The following MICAL3 variants were observed in gnomAD, a reference collection of about 807,000 sequenced individuals.
The protein encoded by MICAL3 is [F-actin]-monooxygenase MICAL3.
Under a neutral mutation model 207.4 loss-of-function variants are expected in MICAL3, and 62 were observed. The ratio of observed to expected loss-of-function variants is 0.30; its 90% confidence interval spans 0.24 to 0.37. The LOEUF is 0.37. Ranked by LOEUF, MICAL3 falls within the 10% of genes least tolerant of loss-of-function variation. The pLI is 1.00. For synonymous variants in MICAL3, 1,077 were observed against 1,069.3 expected, an observed-to-expected ratio of 1.01 and a Z score of -0.14; for missense variants, 2,368 against 2,635.6, an observed-to-expected ratio of 0.90 and a Z score of 2.22.
rs1931214767 is a variant in MICAL3 at position 17,900,371 on chromosome 22, G to A, written c.847+471C>T. Among the ~76,000 whole-genome samples the A allele has an allele frequency of 1.3e-5, 2 of 152,218 alleles. No individual in the cohort carries two copies. Among genetic ancestry groups the A allele is most frequent in the African/African-American group, 4.8e-5 (2 of 41,458 alleles). Reference sequence around the variant, plus strand: ...CGCTTGTAATCCTAGCACTTTGGGAGGCTGAGGCAGGTGGAGCCCAGGAGT... The same window carrying A: ...CGCTTGTAATCCTAGCACTTTGGGAAGCTGAGGCAGGTGGAGCCCAGGAGT... On this transcript the variant is annotated intron_variant, in intron 6 of 31. Transcript: ENST00000441493. The surrounding 1 kb of genome is among the most constrained non-coding windows in gnomAD (Gnocchi z 4.0).
At chr22:18,016,345 C>T (rs1468154215) in intron 1 of MICAL3, among the ~76,000 whole-genome samples, 3 of 152,012 alleles carry the variant, frequency 2.0e-5, no homozygotes, top group African/African-American at 7.2e-5. Context: ...TGAATTTATC[C>T]CTGGAGAGTT....
chr22:17,872,919 T>C (rs1927871534), intron 16 of MICAL3: 2 of 1,056,750 alleles, frequency 1.9e-6, no homozygotes, highest in Admixed American at 1.8e-5. Flanking sequence ...AATACATAAA[T>C]TAAGAAGACA....
intron 1 of MICAL3, among the ~76,000 whole-genome samples, chr22:17,934,178 C>A (rs570882142): frequency 1.3e-5 from 2 of 152,322 alleles, no homozygotes; most frequent in Admixed American, 1.3e-4. Flanking sequence ...AGACCAATAT[C>A]CCTGATGAAC....
intron 16 of MICAL3, 21 bp from the exon 17 acceptor site, chr22:17,872,044 G>A (rs1413057950): frequency 1.3e-6 from 2 of 1,577,204 alleles, no homozygotes; most frequent in Non-Finnish European, 1.7e-6. Context: ...TGGCGGTCGG[G>A]AGGAAGGGGA....
intron 20 of MICAL3, among the ~76,000 whole-genome samples, chr22:17,837,632 C>A (rs900278057): frequency 6.6e-6 from 1 of 152,234 alleles, no homozygotes; most frequent in Admixed American, 6.5e-5. Flanking sequence ...AGGGTCTCCT[C>A]CAGGAGACAG....
intron 1 of MICAL3, among the ~76,000 whole-genome samples, chr22:18,020,913 CAAATAAAT>C (rs200685200): frequency 0.26 from 34,823 of 133,936 alleles, 4,778 homozygotes; most frequent in East Asian, 0.42. Flanking sequence ...GACCCTGTCT[CAAATAAAT>C]AAATAAATAA....
At chr22:17,845,334 C>T (rs1227898378) in intron 19 of MICAL3, among the ~76,000 whole-genome samples, 2 of 152,108 alleles carry the variant, frequency 1.3e-5, no homozygotes. Context: ...ACGTGGGTAA[C>T]GTGGGGAACG....
At chr22:17,966,028 G>A (rs1366771742) in intron 1 of MICAL3, among the ~76,000 whole-genome samples, 2 of 152,234 alleles carry the variant, frequency 1.3e-5, no homozygotes, top group Non-Finnish European at 2.9e-5. Flanking sequence ...AGGCAATGAA[G>A]AGTCAACACA....
intron 16 of MICAL3, among the ~76,000 whole-genome samples, chr22:17,880,780 G>C (rs1971218267): frequency 6.6e-6 from 1 of 152,190 alleles, no homozygotes; most frequent in African/African-American, 2.4e-5. Flanking sequence ...AGAGCTCCCA[G>C]AATCAGAAGG....
intron 3 of MICAL3, 116 bp downstream of exon 3, chr22:17,904,516 A>T: frequency 1.3e-6 from 1 of 789,250 alleles, no homozygotes; most frequent in Non-Finnish European, 2.2e-6. Flanking sequence ...GACAGTAATG[A>T]GATTAGAAGA....
chr22:17,823,383 T>C (rs149995983), intron 22 of MICAL3, among the ~76,000 whole-genome samples: 16 of 152,354 alleles, frequency 1.1e-4, no homozygotes, highest in African/African-American at 3.6e-4. Flanking sequence ...GAAAGGGAAA[T>C]GCTGTTTCTC....
chr22:17,818,477 T>G lies in MICAL3; in HGVS notation c.4184A>C (p.Glu1395Ala), dbSNP rs756299375. ...GGTTGGCAGGGACAACGGCTCGCCT[T>G]CCGGCTTTGGCAGGCCCAGCCTTTT... ...IPKRLGLPKP[E>A]GEPLSLPTPR... is the part of the protein sequence containing the mutation. The change falls in exon 26 of 32, where the codon GAA becomes GCA. Residue 1395 changes from glutamate (E) to alanine (A), a missense_variant. Transcript: ENST00000441493. 1.9e-6 allele frequency: 3 copies of G among 1,612,740 alleles called. No individual in the cohort carries two copies. The highest frequency in any genetic ancestry group is 2.7e-5 in the African/African-American group (2 of 74,938).
intron 19 of MICAL3, chr22:17,862,995 T>C (rs1028285455): frequency 6.1e-6 from 6 of 985,476 alleles, no homozygotes; most frequent in Non-Finnish European, 7.2e-6. Flanking sequence ...CTCAGGGCTC[T>C]GACTCTTTCT....
At chr22:17,893,395 T>A (rs1215073169) in intron 11 of MICAL3, among the ~76,000 whole-genome samples, 1 of 152,228 alleles carries the variant, frequency 6.6e-6, no homozygotes, top group Non-Finnish European at 1.5e-5. Context: ...CACTGAATCC[T>A]GGCTATGTTG....
Position 17,976,589 on chromosome 22 carries a change from ATTT to A in MICAL3, c.-75+47689_-75+47691del, listed in dbSNP as rs1195101695. On this transcript the variant is annotated intron_variant, in intron 1 of 31. Coordinates refer to ENST00000441493, the MANE Select transcript of MICAL3 (RefSeq NM_015241.3). ...TATATATATATATATATATATATAT[ATTT>A]TTTTTTTTTTTTTTTGAGACAGAGT... is the stretch of plus-strand genomic sequence containing the variant. Among the ~76,000 whole-genome samples the A allele has an allele frequency of 2.5e-4, 17 of 67,124 alleles. No homozygotes were observed. The East Asian group carries it at 5.5e-3, about 22-fold the overall frequency. 44.0% of individuals were successfully genotyped at this position (67,124 alleles called of 152,430 possible).
At chr22:18,011,395 A>G (rs1024390461) in intron 1 of MICAL3, among the ~76,000 whole-genome samples, 1 of 151,600 alleles carries the variant, frequency 6.6e-6, no homozygotes, top group African/African-American at 2.4e-5. Flanking sequence ...AAAATACAAA[A>G]CTAGCCAGGC....
chr22:17,825,482 C>A (rs112612034), intron 22 of MICAL3, among the ~76,000 whole-genome samples: 1 of 144,808 alleles, frequency 6.9e-6, no homozygotes, highest in African/African-American at 2.8e-5. Context: ...TCTTGCCCCA[C>A]CGCCCTAGGG....
At chr22:17,952,769 G>A (rs1779610862) in intron 1 of MICAL3, among the ~76,000 whole-genome samples, 1 of 152,128 alleles carries the variant, frequency 6.6e-6, no homozygotes, top group Non-Finnish European at 1.5e-5. Context: ...GGAAAAGGCT[G>A]GTCTATGCAT....
chr22:18,008,388 G>A (rs1602395470), intron 1 of MICAL3, among the ~76,000 whole-genome samples: 2 of 152,218 alleles, frequency 1.3e-5, no homozygotes, highest in African/African-American at 4.8e-5. Flanking sequence ...CAAGCCATGT[G>A]TAGTCTAATG....
Sources: gnomAD v4.1 joint callset for allele counts (sites outside exome capture counted in the v4.1 genomes callset) on GRCh38, gnomAD v4.1.1 for gene constraint, Gnocchi (gnomAD v3.1) non-coding constraint, MANE v1.5 for transcripts, NCBI Gene and HGNC (gene_info 2026-07-23, HGNC 2026-07-21) for gene names.